The following SIN3A variants were observed in gnomAD, a reference collection of about 807,000 sequenced individuals.
SIN3A encodes the protein SIN3 transcription regulator family member A.
In SIN3A, 14 loss-of-function variants were observed where a neutral mutation model predicts 146.1. The observed-to-expected ratio is 0.10, with a 90% CI of 0.06 to 0.15. The LOEUF (loss-of-function observed/expected upper bound fraction) is 0.15, where lower values mean the gene tolerates loss of function less well. SIN3A is among the 10% of genes least tolerant of loss of function. The probability of loss-of-function intolerance (pLI) is 1.00; values close to 1 mark genes in which losing one functional copy is unlikely to be tolerated. For missense variants in SIN3A, 1,028 were observed against 1,576.0 expected, an observed-to-expected ratio of 0.65 and a Z score of 5.89; for synonymous variants, 572 against 572.0, an observed-to-expected ratio of 1.00 and a Z score of 0.00.
In SIN3A at chr15:75,430,282, G is replaced by A. The variant is rs760064616; in HGVS notation, c.94C>T (p.Arg32Trp). 4 of 1,614,142 alleles carry A rather than the reference G, an allele frequency of 2.5e-6. No individual in the cohort carries two copies. The highest frequency in any genetic ancestry group is 1.7e-6 in the Non-Finnish European group (2 of 1,180,028). The stretch of plus-strand genomic sequence containing the variant: ...ACAGGAGGGGCAGGGGCAAGCACCC[G>A]GTGCTGGTGAGGAAAAGCCTCTGTG... ...GSTEAFPHQHRVLAPAPPVYE... is the reference protein window; with the variant it reads ...GSTEAFPHQHWVLAPAPPVYE... The change falls in exon 2 of 21, where the codon CGG becomes TGG. Residue 32 changes from arginine (R) to tryptophan (W), a missense_variant. By Grantham distance (101) the Arg-to-Trp change is moderately radical. This residue lies in a region of SIN3A where 152 missense variants were observed against 231.5 expected (regional missense o/e 0.66). Transcript: ENST00000394947.
At position 75,392,759 on chromosome 15, in the gene SIN3A, T is replaced by C; in HGVS notation, c.2334A>G (p.Ser778=). 6.2e-7 allele frequency: 1 copy of C among 1,614,060 alleles called. No individual in the cohort carries two copies. Among genetic ancestry groups the C allele is most frequent in the Non-Finnish European group, 8.5e-7 (1 of 1,180,020 alleles). ...NAGVPVGPHL[S]LAYEDKQILE... The stretch of plus-strand genomic sequence containing the variant: ...GTATTTGTTTGTCTTCATACGCAAG[T>C]GAGAGGTGTGGGCCAACAGGTACAC... Residue 778 remains serine, a synonymous_variant, in exon 15 of 21, where the codon TCA becomes TCG. Transcript: ENST00000394947.
At chr15:75,448,178 AAAAAAAAAAAAAAAGACATGAG>A (rs2074340196) in intron 1 of SIN3A, 1 of 67,112 alleles carries the variant, frequency 1.5e-5, no homozygotes, top group African/African-American at 1.1e-4. Context: ...CTTCGTCTAA[AAAAAAAAAAAAAAAGACATGAG>A]AAAAAAAGAC....
At chr15:75,394,102 C>T (rs2073259774) in intron 14 of SIN3A, among the ~76,000 whole-genome samples, 2 of 152,140 alleles carry the variant, frequency 1.3e-5, no homozygotes. Context: ...GCCACTGTGC[C>T]CGGCCTGATT....
intron 3 of SIN3A, among the ~76,000 whole-genome samples, chr15:75,417,349 C>T (rs1219826004): frequency 6.6e-6 from 1 of 151,170 alleles, no homozygotes; most frequent in African/African-American, 2.4e-5. Flanking sequence ...CAGAAATAAA[C>T]ATTTGATGTG....
intron 18 of SIN3A, chr15:75,381,208 C>T (rs1365269647): frequency 5.5e-6 from 1 of 183,272 alleles, no homozygotes; most frequent in Admixed American, 5.6e-5. Flanking sequence ...CATTATCTGC[C>T]ATAACCAACT....
intron 1 of SIN3A, among the ~76,000 whole-genome samples, chr15:75,437,065 C>A (rs531834933): frequency 6.6e-6 from 1 of 152,256 alleles, no homozygotes; most frequent in African/African-American, 2.4e-5. Context: ...GTTAGAAGTC[C>A]AGCACTGAGC....
At chr15:75,375,605 C>T in intron 20 of SIN3A, 60 bp downstream of exon 20, 1 of 1,353,578 alleles carries the variant, frequency 7.4e-7, no homozygotes, top group Admixed American at 1.7e-5. Flanking sequence ...GACTCTGGGC[C>T]TCCCCTGGTC....
At position 75,450,541 on chromosome 15, in the gene SIN3A, C is replaced by G. The variant is rs916700522; in HGVS notation, c.-34+882G>C. On this transcript the variant is annotated intron_variant, in intron 1 of 20. Transcript: ENST00000394947. ...AGCCACGCACGCTCCTACAAGAGGA[C>G]CTTGGGCACTTCGCCCCAATAGTTA... Among the ~76,000 whole-genome samples the G allele has an allele frequency of 3.9e-5, 6 of 152,232 alleles. No homozygotes were observed. In the South Asian group the frequency reaches 8.3e-4, roughly 21 times the overall value.
At chr15:75,449,976 C>T (rs1014109937) in intron 1 of SIN3A, among the ~76,000 whole-genome samples, 2 of 152,040 alleles carry the variant, frequency 1.3e-5, no homozygotes, top group Non-Finnish European at 2.9e-5. Context: ...AACAGGGTTT[C>T]GCCATGTAAG....
intron 13 of SIN3A, 46 bp from the exon 14 acceptor site, chr15:75,394,909 G>A: frequency 6.5e-7 from 1 of 1,541,552 alleles, no homozygotes; most frequent in Non-Finnish European, 8.8e-7. Context: ...GAATTCAGAG[G>A]GTTTAGAAGA....
intron 19 of SIN3A, chr15:75,376,216 A>T (rs879755313): frequency 6.2e-4 from 180 of 291,598 alleles, no homozygotes; most frequent in South Asian, 1.9e-3. Flanking sequence ...GGATCATACT[A>T]TATATTTTGT....
chr15:75,417,550 TG>T (rs1270833816), intron 3 of SIN3A, among the ~76,000 whole-genome samples: 1 of 152,004 alleles, frequency 6.6e-6, no homozygotes, highest in Non-Finnish European at 1.5e-5. Context: ...CTAATTTTTT[TG>T]TATTTTTAGT....
In SIN3A at chr15:75,375,837, C is replaced by A; in HGVS notation, c.3419G>T (p.Arg1140Leu). 6.2e-7 allele frequency: 1 copy of A among 1,614,144 alleles called. No individual in the cohort carries two copies. Among genetic ancestry groups the A allele is most frequent in the Non-Finnish European group, 8.5e-7 (1 of 1,180,038 alleles). The change falls in exon 20 of 21, where the codon CGA becomes CTA. Residue 1140 changes from arginine (R) to leucine (L), a missense_variant. Physicochemically the swap from Arg to Leu is moderately radical, Grantham distance 102 (BLOSUM62 -2). This residue lies in a region of SIN3A where 488 missense variants were observed against 690.2 expected (regional missense o/e 0.71). Transcript: ENST00000394947. Reference protein sequence around the residue: ...LRRIRKCQRGREQQEKEGKEG... With the variant: ...LRRIRKCQRGLEQQEKEGKEG... ...CTTCCCTTCCTTTTCCTGCTGCTCT[C>A]GACCACGTTGACACTTCCGGATCCG...
At chr15:75,429,266 T>C (rs1307628510) in intron 2 of SIN3A, among the ~76,000 whole-genome samples, 1 of 151,798 alleles carries the variant, frequency 6.6e-6, no homozygotes, top group East Asian at 1.9e-4. Flanking sequence ...ACAAAAATCA[T>C]AAAAATTAGC....
intron 1 of SIN3A, among the ~76,000 whole-genome samples, chr15:75,438,468 G>GA (rs1329652707): frequency 6.6e-6 from 1 of 152,104 alleles, no homozygotes; most frequent in Non-Finnish European, 1.5e-5. Flanking sequence ...AGGATTGCTT[G>GA]AGGCCAGGAG....
At chr15:75,408,450 T>C (rs1320323737) in intron 8 of SIN3A, among the ~76,000 whole-genome samples, 3 of 152,342 alleles carry the variant, frequency 2.0e-5, no homozygotes, top group Admixed American at 6.5e-5. Flanking sequence ...CTCTTACTAT[T>C]AGAAATTCCC....
chr15:75,410,376 T>C, intron 6 of SIN3A, 90 bp from the exon 7 acceptor site: 1 of 1,275,398 alleles, frequency 7.8e-7, no homozygotes, highest in Non-Finnish European at 1.1e-6. Context: ...GTTATCTATT[T>C]AGGCTGCATG....
chr15:75,451,615 TC>T lies in SIN3A; in HGVS notation c.-227del, dbSNP rs1456667787. 1 of 110,944 alleles carries T rather than the reference TC, an allele frequency of 9.0e-6. No individual in the cohort carries two copies. Among genetic ancestry groups the T allele is most frequent in the East Asian group, 2.8e-4 (1 of 3,538 alleles). The allele number at this position is 110,944 out of a possible 1,614,324, so 6.9% of individuals were successfully genotyped here. On this transcript the variant is annotated 5_prime_UTR_variant, in exon 1 of 21. Coordinates refer to ENST00000394947, the MANE Select transcript of SIN3A (RefSeq NM_001145358.2). Reference sequence around the variant, plus strand: ...GAGGGAGGGAGGGAGGGAGGGAAACTCCGAGGGGGGAAGGGGAGGGGGGAAG... The same window carrying T: ...GAGGGAGGGAGGGAGGGAGGGAAACTCGAGGGGGGAAGGGGAGGGGGGAAG...
At chr15:75,406,702 C>T (rs1268249633) in intron 9 of SIN3A, among the ~76,000 whole-genome samples, 1 of 152,118 alleles carries the variant, frequency 6.6e-6, no homozygotes, top group Non-Finnish European at 1.5e-5. Context: ...AAAAAGATTA[C>T]AAGTCATCTT....
Sources: allele counts gnomAD v4.1 joint callset (sites outside exome capture counted in the v4.1 genomes callset), GRCh38; gene constraint gnomAD v4.1.1; regional missense constraint gnomAD v4.1.1; transcripts MANE v1.5; gene names NCBI Gene and HGNC (gene_info 2026-07-23, HGNC 2026-07-21).